The following COG5 variants were observed in gnomAD, a reference collection of about 807,000 sequenced individuals.
COG5 encodes conserved oligomeric Golgi complex subunit 5.
COG5 carries 86 observed loss-of-function variants against 110.4 expected under a neutral mutation model. The ratio of observed to expected loss-of-function variants is 0.78; its 90% confidence interval spans 0.65 to 0.93. The LOEUF (loss-of-function observed/expected upper bound fraction) is 0.93, where lower values mean the gene tolerates loss of function less well. Among genes scored for constraint, COG5 ranks in the 40% least tolerant of loss-of-function variants. The pLI, the probability that COG5 is intolerant of heterozygous loss-of-function variation, is 0.00. For synonymous variants in COG5, 360 were observed against 334.6 expected, an observed-to-expected ratio of 1.08 and a Z score of -0.83; for missense variants, 1,077 against 987.0, an observed-to-expected ratio of 1.09 and a Z score of -1.22.
intron 5 of COG5, among the ~76,000 whole-genome samples, chr7:107,532,790 A>G (rs1801306889): frequency 6.6e-6 from 1 of 152,226 alleles, no homozygotes; most frequent in Non-Finnish European, 1.5e-5. Context: ...CTGAGCAACA[A>G]AACAAACACT....
chr7:107,234,027 TATGATTAATTATG>T (rs1562925751), intron 18 of COG5, among the ~76,000 whole-genome samples: 2 of 152,180 alleles, frequency 1.3e-5, no homozygotes, highest in Non-Finnish European at 2.9e-5. Flanking sequence ...TGATCACAGA[TATGATTAATTATG>T]ATAGTGCCTC....
intron 1 of COG5, chr7:107,563,555 G>T (rs965397823): frequency 1.4e-5 from 7 of 499,886 alleles, no homozygotes; most frequent in South Asian, 8.8e-5. Flanking sequence ...GGGGGGGGGG[G>T]GGGTCGAGTT....
At chr7:107,412,046 G>A (rs1303207531) in intron 7 of COG5, among the ~76,000 whole-genome samples, 1 of 152,030 alleles carries the variant, frequency 6.6e-6, no homozygotes, top group Admixed American at 6.5e-5. Flanking sequence ...GCAAAGTTCT[G>A]GGACTAGAGT....
At chr7:107,505,915 T>C (rs1195529081) in intron 6 of COG5, among the ~76,000 whole-genome samples, 1 of 152,170 alleles carries the variant, frequency 6.6e-6, no homozygotes, top group Non-Finnish European at 1.5e-5. Flanking sequence ...CTGCAAGGAA[T>C]CCAGAGATAT....
intron 6 of COG5, chr7:107,472,541 T>C (rs1384775997): frequency 6.6e-6 from 1 of 151,962 alleles, no homozygotes; most frequent in Non-Finnish European, 1.5e-5. Flanking sequence ...CTAACTGATG[T>C]GACAAAGACC....
intron 6 of COG5, among the ~76,000 whole-genome samples, chr7:107,440,032 T>C (rs1235418515): frequency 1.3e-5 from 2 of 152,160 alleles, no homozygotes; most frequent in Admixed American, 6.5e-5. Context: ...TATCACTGGG[T>C]AGTGGAAAGG....
chr7:107,489,796 G>C (rs1198909787), intron 6 of COG5, among the ~76,000 whole-genome samples: 1 of 152,004 alleles, frequency 6.6e-6, no homozygotes, highest in Non-Finnish European at 1.5e-5. Context: ...TTGCCCAAGA[G>C]ATTTTTTTTA....
chr7:107,534,158 T>C (rs1376160065), intron 5 of COG5, among the ~76,000 whole-genome samples: 3 of 151,420 alleles, frequency 2.0e-5, no homozygotes, highest in Non-Finnish European at 4.4e-5. Flanking sequence ...CAAGAGCTCC[T>C]GAAGGAAGCA....
chr7:107,235,626 C>A (rs1341911734), intron 18 of COG5, among the ~76,000 whole-genome samples: 2 of 152,188 alleles, frequency 1.3e-5, no homozygotes, highest in African/African-American at 4.8e-5. Context: ...TCACTTGAAC[C>A]CAGGAGGTGG....
At chr7:107,249,703 T>TGTGTGTGC (rs1468496697) in intron 16 of COG5, among the ~76,000 whole-genome samples, 1 of 136,514 alleles carries the variant, frequency 7.3e-6, no homozygotes, top group African/African-American at 3.4e-5. Context: ...TGTGTGTGTG[T>TGTGTGTGC]GTGTGTGTGT....
At chr7:107,451,874 T>C (rs1795361622) in intron 6 of COG5, among the ~76,000 whole-genome samples, 1 of 152,192 alleles carries the variant, frequency 6.6e-6, no homozygotes, top group African/African-American at 2.4e-5. Context: ...AACAATTGGC[T>C]ATTAGCAGTT....
intron 6 of COG5, among the ~76,000 whole-genome samples, chr7:107,421,728 T>C (rs987980994): frequency 8.0e-5 from 12 of 150,140 alleles, no homozygotes; most frequent in Non-Finnish European, 7.4e-5. Flanking sequence ...ATTGCGCCAC[T>C]GCACTCCAGC....
chr7:107,384,160 T>C (rs994222493), intron 7 of COG5, among the ~76,000 whole-genome samples: 5 of 152,186 alleles, frequency 3.3e-5, no homozygotes, highest in African/African-American at 1.2e-4. Context: ...CCTCTGACGA[T>C]GGCTCCTTCT....
Position 107,548,345 on chromosome 7 carries a change from A to T in COG5, c.293-13T>A. 6.2e-7 allele frequency: 1 copy of T among 1,613,320 alleles called. No homozygotes were observed. Among genetic ancestry groups the T allele is most frequent in the Non-Finnish European group, 8.5e-7 (1 of 1,179,256 alleles). ...ATCTGAAGAACACCTAGGAAAACAT[A>T]AGTTTACATTGGCTTTACAAATTTA... On this transcript the variant is annotated splice_polypyrimidine_tract_variant and intron_variant, in intron 3 of 21. Coordinates refer to ENST00000297135, the MANE Select transcript of COG5 (RefSeq NM_006348.5).
intron 10 of COG5, among the ~76,000 whole-genome samples, chr7:107,328,625 G>A (rs921067205): frequency 1.3e-5 from 2 of 152,146 alleles, no homozygotes; most frequent in African/African-American, 4.8e-5. Flanking sequence ...GGGGGACAGG[G>A]AAAATGAATT....
At chr7:107,513,121 T>C (rs996568366) in intron 6 of COG5, among the ~76,000 whole-genome samples, 1 of 151,046 alleles carries the variant, frequency 6.6e-6, no homozygotes, top group Non-Finnish European at 1.5e-5. Flanking sequence ...ACCTACAAAA[T>C]GGGAGAAAAT....
In COG5 at chr7:107,474,912, A is replaced by G. The variant is rs911319844; in HGVS notation, c.538+52325T>C. On this transcript the variant is annotated intron_variant, in intron 6 of 21. Coordinates refer to ENST00000297135, the MANE Select transcript of COG5 (RefSeq NM_006348.5). This position sits in a 1 kb window ranked among gnomAD's most constrained non-coding sequence, Gnocchi z 5.7. Reference sequence around the variant, plus strand: ...GTGGGAGAAATGTAGTCTTTGGTGTAAGAACTTCAGTTTCTGTAATAATTG... The same window carrying G: ...GTGGGAGAAATGTAGTCTTTGGTGTGAGAACTTCAGTTTCTGTAATAATTG... 2 of 1,613,120 alleles carry G rather than the reference A, an allele frequency of 1.2e-6. No individual in the cohort carries two copies. Among genetic ancestry groups the G allele is most frequent in the African/African-American group, 1.3e-5 (1 of 74,870 alleles).
chr7:107,388,441 C>CG (rs1790362206), intron 7 of COG5, among the ~76,000 whole-genome samples: 2 of 152,188 alleles, frequency 1.3e-5, no homozygotes, highest in African/African-American at 4.8e-5. Flanking sequence ...ATTTGTCACT[C>CG]ATGGCACATC....
At chr7:107,332,706 G>C (rs1033674027) in intron 10 of COG5, among the ~76,000 whole-genome samples, 9 of 152,094 alleles carry the variant, frequency 5.9e-5, no homozygotes, top group African/African-American at 2.2e-4. Context: ...CAAGGGTGTG[G>C]GGCAAAAGAG....
Sources: gnomAD v4.1 joint callset for allele counts (sites outside exome capture counted in the v4.1 genomes callset) on GRCh38, gnomAD v4.1.1 for gene constraint, Gnocchi (gnomAD v3.1) non-coding constraint, MANE v1.5 for transcripts, NCBI Gene and HGNC (gene_info 2026-07-23, HGNC 2026-07-21) for gene names.